The following GAPDH variants were observed in gnomAD, a reference collection of about 807,000 sequenced individuals.
GAPDH encodes glyceraldehyde-3-phosphate dehydrogenase.
GAPDH carries 13 observed loss-of-function variants against 31.2 expected under a neutral mutation model. That is an observed-to-expected ratio of 0.42 (90% CI 0.27 to 0.66). GAPDH has a LOEUF of 0.66. GAPDH is among the 30% of genes least tolerant of loss of function. GAPDH has a pLI of 0.26. For missense variants in GAPDH, 300 were observed against 443.7 expected (o/e 0.68, Z 2.91); for synonymous variants, 211 against 166.9 (o/e 1.26, Z -2.04).
chr12:6,534,697 C>T (rs1336094842), intron 1 of GAPDH, 113 bp from the exon 2 acceptor site: 2 of 922,490 alleles, frequency 2.2e-6, no homozygotes, highest in East Asian at 5.4e-5. Context: ...CAGGGGCGGG[C>T]GGAGGACGTG....
At chr12:6,535,015 C>G (rs1946430301) in intron 2 of GAPDH, 154 bp downstream of exon 2, 7 of 941,650 alleles carry the variant, frequency 7.4e-6, no homozygotes, top group Non-Finnish European at 1.1e-5. Context: ...CCTGGCGGAG[C>G]CCCGCACCCA....
In GAPDH at chr12:6,537,577, T is replaced by C; in HGVS notation, c.526-7T>C. 6.3e-7 allele frequency: 1 copy of C among 1,598,316 alleles called. No individual in the cohort carries two copies. The highest frequency in any genetic ancestry group is 8.5e-7 in the Non-Finnish European group (1 of 1,177,826). On this transcript the variant is annotated splice_region_variant and splice_polypyrimidine_tract_variant and intron_variant, in intron 7 of 8. Transcript: ENST00000229239. The surrounding 1 kb of genome is among the most constrained non-coding windows in gnomAD (Gnocchi z 4.9). ...GAGTACGCTGCAGGGCCTCACTCCT[T>C]TTGCAGACCACAGTCCATGCCATCA... is the stretch of plus-strand genomic sequence containing the variant.
intron 8 of GAPDH, 28 bp downstream of exon 8, chr12:6,538,024 C>T (rs1946526390): frequency 1.3e-6 from 2 of 1,596,686 alleles, no homozygotes; most frequent in South Asian, 2.4e-5. Flanking sequence ...GAGACTGGCT[C>T]TTAAAAAGTG....
chr12:6,536,089 C>T (rs1294883258), intron 2 of GAPDH, among the ~76,000 whole-genome samples: 1 of 152,208 alleles, frequency 6.6e-6, no homozygotes, highest in Non-Finnish European at 1.5e-5. Context: ...TTTACTCCTG[C>T]CCTTTGAGTT....
In GAPDH at chr12:6,536,732, G is replaced by C; in HGVS notation, c.178G>C (p.Val60Leu). Residue 60 changes from valine (V) to leucine (L), a missense_variant, in exon 4 of 9, where the codon GTC becomes CTC. Coordinates refer to ENST00000229239, the MANE Select transcript of GAPDH (RefSeq NM_002046.7). ...CACCCATGGCAAATTCCATGGCACCGTCAAGGCTGAGAACGGGAAGCTTGT... is the reference window on the plus strand; with the variant it reads ...CACCCATGGCAAATTCCATGGCACCCTCAAGGCTGAGAACGGGAAGCTTGT... ...DSTHGKFHGT[V>L]KAENGKLVIN... The C allele has an allele frequency of 6.2e-7, 1 of 1,613,994 alleles. No individual in the cohort carries two copies.
In GAPDH at chr12:6,536,458, T is replaced by G. The variant is rs1052688013; in HGVS notation, c.30-36T>G. The G allele has an allele frequency of 4.1e-6, 6 of 1,466,800 alleles. No homozygotes were observed. In the African/African-American group the frequency reaches 8.3e-5, roughly 20 times the overall value. 90.9% of individuals were successfully genotyped at this position (1,466,800 alleles called of 1,614,324 possible). On this transcript the variant is annotated intron_variant, in intron 2 of 8. Transcript: ENST00000229239. ...GCTGCTCACATATTCTGGAGGAGCC[T>G]CCCCTCCTCATGCCTTCTTGCCTCT...
In GAPDH at chr12:6,537,534, G is replaced by A. The variant is rs1215350579; in HGVS notation, c.526-50G>A. Reference sequence around the variant, plus strand: ...ATTTCCTTTCAAGGTGGGGAGGGAGGTAGAGGGGTGATGTGGGGAGTACGC... The same window carrying A: ...ATTTCCTTTCAAGGTGGGGAGGGAGATAGAGGGGTGATGTGGGGAGTACGC... On this transcript the variant is annotated intron_variant, in intron 7 of 8. Transcript: ENST00000229239. The surrounding 1 kb of genome is among the most constrained non-coding windows in gnomAD (Gnocchi z 4.9). 2 of 1,591,846 alleles carry A rather than the reference G, an allele frequency of 1.3e-6. No individual in the cohort carries two copies. Among genetic ancestry groups the A allele is most frequent in the South Asian group, 1.1e-5 (1 of 87,794 alleles).
At position 6,537,437 on chromosome 12, in the gene GAPDH, A is replaced by C; in HGVS notation, c.525+47A>C. ...ACTGAGGCTCCCACCTTTCTCATCC[A>C]AGACTGGCTCCTCCCTGCCGGGGCT... On this transcript the variant is annotated intron_variant, in intron 7 of 8. Coordinates refer to ENST00000229239, the MANE Select transcript of GAPDH (RefSeq NM_002046.7). The surrounding 1 kb of genome is among the most constrained non-coding windows in gnomAD (Gnocchi z 4.9). 2.5e-6 allele frequency: 4 copies of C among 1,591,648 alleles called. No homozygotes were observed. The highest frequency in any genetic ancestry group is 3.4e-6 in the Non-Finnish European group (4 of 1,161,950).
Position 6,534,807 on chromosome 12 carries a change from C to G in GAPDH, c.-23-3C>G. 1 of 1,612,846 alleles carries G rather than the reference C, an allele frequency of 6.2e-7. No homozygotes were observed. The highest frequency in any genetic ancestry group is 1.1e-5 in the South Asian group (1 of 91,066). ...GCGCTCACTGTTCTCTCCCTCCGCG[C>G]AGCCGAGCCACATCGCTCAGACACC... On this transcript the variant is annotated splice_polypyrimidine_tract_variant and splice_region_variant and intron_variant, in intron 1 of 8. Coordinates refer to ENST00000229239, the MANE Select transcript of GAPDH (RefSeq NM_002046.7).
chr12:6,535,139 C>T (rs1258609569), intron 2 of GAPDH: 16 of 961,416 alleles, frequency 1.7e-5, no homozygotes, highest in East Asian at 6.8e-5. Context: ...CGACCCGGAC[C>T]CCTAGGTGGG....
chr12:6,537,121 CA>C lies in GAPDH; in HGVS notation c.352del (p.Arg118GlyfsTer18). The C allele has an allele frequency of 6.2e-7, 1 of 1,613,702 alleles. No individual in the cohort carries two copies. Among genetic ancestry groups the C allele is most frequent in the Non-Finnish European group, 8.5e-7 (1 of 1,179,836 alleles). ...KAGAHLQGGA[K>X]RVIISAPSAD... ...TGTAGGCTCATTTGCAGGGGGGAGC[CA>C]AAAGGGTCATCATCTCTGCCCCCTC... On this transcript the variant is annotated frameshift_variant, in exon 6 of 9. Transcript: ENST00000229239. LOFTEE classifies it high-confidence loss of function. The surrounding 1 kb of genome is among the most constrained non-coding windows in gnomAD (Gnocchi z 4.9).
chr12:6,535,342 C>G (rs1946440108), intron 2 of GAPDH: 4 of 992,974 alleles, frequency 4.0e-6, no homozygotes, highest in Admixed American at 5.8e-5. Flanking sequence ...GTTAGGAAAG[C>G]CTGCCGGTGA....
chr12:6,534,678 T>C (rs371892266), intron 1 of GAPDH, 109 bp downstream of exon 1: 6 of 837,388 alleles, frequency 7.2e-6, no homozygotes, highest in Middle Eastern at 3.3e-4. Flanking sequence ...CCGGGCGGCC[T>C]CCGCATTGCA....
rs201818997 is a variant in GAPDH at position 6,538,092 on chromosome 12, A to G, written c.939-9A>G. The stretch of plus-strand genomic sequence containing the variant: ...AAAAAGGGCCCTGACAACTCTTTTC[A>G]TCTTCTAGGTATGACAACGAATTTG... On this transcript the variant is annotated splice_polypyrimidine_tract_variant and intron_variant, in intron 8 of 8. Transcript: ENST00000229239. The G allele has an allele frequency of 1.9e-6, 3 of 1,596,688 alleles. No individual in the cohort carries two copies. The highest frequency in any genetic ancestry group is 2.4e-5 in the East Asian group (1 of 41,050).
At chr12:6,535,006 C>G (rs1393187941) in intron 2 of GAPDH, 145 bp downstream of exon 2, 2 of 988,804 alleles carry the variant, frequency 2.0e-6, no homozygotes, top group Non-Finnish European at 3.0e-6. Flanking sequence ...GCGCTCGGAC[C>G]TGGCGGAGCC....
At position 6,537,135 on chromosome 12, in the gene GAPDH, TCTCTGCCCC is replaced by T; in HGVS notation, c.369_377del (p.Pro124_Ala126del). 1 of 1,613,872 alleles carries T rather than the reference TCTCTGCCCC, an allele frequency of 6.2e-7. No individual in the cohort carries two copies. The highest frequency in any genetic ancestry group is 8.5e-7 in the Non-Finnish European group (1 of 1,179,936). ...CAGGGGGGAGCCAAAAGGGTCATCA[TCTCTGCCCC>T]CTCTGCTGATGCCCCCATGTTCGTC... is the stretch of plus-strand genomic sequence containing the variant. On this transcript the variant is annotated inframe_deletion, in exon 6 of 9. Coordinates refer to ENST00000229239, the MANE Select transcript of GAPDH (RefSeq NM_002046.7). This position sits in a 1 kb window ranked among gnomAD's most constrained non-coding sequence, Gnocchi z 4.9.
intron 2 of GAPDH, 56 bp downstream of exon 2, chr12:6,534,917 T>TA: frequency 1.3e-6 from 2 of 1,590,414 alleles, no homozygotes; most frequent in Non-Finnish European, 1.7e-6. Flanking sequence ...GAACCGCGTC[T>TA]ACGAGCCTTG....
chr12:6,534,932 C>T (rs1460952594), intron 2 of GAPDH, 71 bp downstream of exon 2: 3 of 1,543,462 alleles, frequency 1.9e-6, no homozygotes, highest in African/African-American at 2.7e-5. Context: ...GCCTTGCGGG[C>T]TCCGGGTCTT....
In GAPDH at chr12:6,534,573, A is replaced by G; in HGVS notation, c.-24+4A>G. ...GCATCTTCTTTTGCGTCGCCAGGTG[A>G]AGACGGGCGGAGAGAAACCCGGGAG... On this transcript the variant is annotated splice_donor_region_variant and intron_variant, in intron 1 of 8. Transcript: ENST00000229239. 1.8e-6 allele frequency: 1 copy of G among 542,104 alleles called. No homozygotes were observed. The highest frequency in any genetic ancestry group is 2.1e-5 in the South Asian group (1 of 47,668). The allele number at this position is 542,104 out of a possible 1,614,324, so 33.6% of individuals were successfully genotyped here.
Sources: allele counts gnomAD v4.1 joint callset (sites outside exome capture counted in the v4.1 genomes callset), GRCh38; gene constraint gnomAD v4.1.1; non-coding constraint Gnocchi (gnomAD v3.1); transcripts MANE v1.5; gene names NCBI Gene and HGNC (gene_info 2026-07-23, HGNC 2026-07-21).